The following ABCA13 variants were observed in gnomAD, a reference collection of about 807,000 sequenced individuals.
ABCA13 encodes the protein ATP binding cassette subfamily A member 13, also known as ATP-binding cassette sub-family A member 13.
ABCA13 carries 476 observed loss-of-function variants against 478.7 expected under a neutral mutation model. That is an observed-to-expected ratio of 0.99 (90% confidence interval 0.92 to 1.07). The LOEUF (loss-of-function observed/expected upper bound fraction) is 1.07, where lower values mean the gene tolerates loss of function less well. Among genes scored for constraint, ABCA13 ranks in the 50% least tolerant of loss-of-function variants. The probability of loss-of-function intolerance (pLI) is 0.00; values close to 1 mark genes in which losing one functional copy is unlikely to be tolerated. For synonymous variants in ABCA13, 2,252 were observed against 2,158.9 expected (o/e 1.04, Z -1.20); for missense variants, 6,060 against 5,910.6 (o/e 1.03, Z -0.83).
At chr7:48,561,357 C>T (rs1447001698) in intron 55 of ABCA13, among the ~76,000 whole-genome samples, 3 of 151,998 alleles carry the variant, frequency 2.0e-5, no homozygotes, top group African/African-American at 4.8e-5. Flanking sequence ...ATACACTTTC[C>T]TATCAATAGC....
At chr7:48,268,191 C>G (rs1795113444) in intron 15 of ABCA13, among the ~76,000 whole-genome samples, 1 of 152,140 alleles carries the variant, frequency 6.6e-6, no homozygotes, top group Admixed American at 6.5e-5. Flanking sequence ...CAGTCTCGCT[C>G]TGTCACCCAG....
intron 6 of ABCA13, among the ~76,000 whole-genome samples, chr7:48,229,482 T>C (rs1179632063): frequency 1.3e-5 from 2 of 152,238 alleles, no homozygotes; most frequent in East Asian, 3.8e-4. Context: ...GCACCCTGGC[T>C]GGCCTCATCA....
intron 47 of ABCA13, among the ~76,000 whole-genome samples, chr7:48,484,526 T>A (rs1004989445): frequency 7.2e-5 from 11 of 152,246 alleles, no homozygotes; most frequent in African/African-American, 2.4e-4. Context: ...TTTTAGTCTA[T>A]CCCAATCTAA....
At chr7:48,351,755 A>C (rs1395228949) in intron 30 of ABCA13, among the ~76,000 whole-genome samples, 2 of 152,216 alleles carry the variant, frequency 1.3e-5, no homozygotes, top group African/African-American at 2.4e-5. Context: ...GATAGGCTTT[A>C]TGCATACAAT....
At chr7:48,422,080 A>G (rs1474961795) in intron 41 of ABCA13, among the ~76,000 whole-genome samples, 3 of 140,592 alleles carry the variant, frequency 2.1e-5, no homozygotes, top group African/African-American at 8.2e-5. Flanking sequence ...AAAAAAAAAA[A>G]AAAAGAAAAA....
At chr7:48,589,373 C>A (rs569519733) in intron 57 of ABCA13, among the ~76,000 whole-genome samples, 1 of 152,150 alleles carries the variant, frequency 6.6e-6, no homozygotes, top group African/African-American at 2.4e-5. Flanking sequence ...GGAGGAGAAC[C>A]AACCTGACAT....
At chr7:48,305,322 C>T (rs756971478) in intron 23 of ABCA13, among the ~76,000 whole-genome samples, 48 of 152,216 alleles carry the variant, frequency 3.2e-4, no homozygotes, top group African/African-American at 4.3e-4. Flanking sequence ...GCCAGGTTCT[C>T]GCAGCCTTCT....
At chr7:48,495,068 C>T (rs1830160130) in intron 48 of ABCA13, among the ~76,000 whole-genome samples, 1 of 152,118 alleles carries the variant, frequency 6.6e-6, no homozygotes, top group East Asian at 1.9e-4. Context: ...CAAAATAATT[C>T]TGTACCAATA....
intron 35 of ABCA13, among the ~76,000 whole-genome samples, chr7:48,378,504 A>C (rs17172282): frequency 6.6e-6 from 1 of 152,008 alleles, no homozygotes; most frequent in African/African-American, 2.4e-5. Context: ...TATTCGACTG[A>C]GGAAACCGTG....
intron 29 of ABCA13, among the ~76,000 whole-genome samples, chr7:48,343,428 A>T (rs1807552185): frequency 6.6e-6 from 1 of 152,056 alleles, no homozygotes; most frequent in Non-Finnish European, 1.5e-5. Flanking sequence ...ATTAGGGCCC[A>T]TGTAGATCCA....
chr7:48,597,898 T>C (rs1790460790), intron 58 of ABCA13, among the ~76,000 whole-genome samples: 1 of 152,328 alleles, frequency 6.6e-6, no homozygotes, highest in South Asian at 2.1e-4. Context: ...ATTATCAGCA[T>C]ACATTACCAG....
At chr7:48,593,996 G>C (rs1226911911) in intron 57 of ABCA13, among the ~76,000 whole-genome samples, 1 of 151,310 alleles carries the variant, frequency 6.6e-6, no homozygotes. Flanking sequence ...TTTCATTTTT[G>C]ACAGTTTGAT....
At chr7:48,560,056 C>T (rs1047612681) in intron 55 of ABCA13, among the ~76,000 whole-genome samples, 1 of 152,174 alleles carries the variant, frequency 6.6e-6, no homozygotes, top group Non-Finnish European at 1.5e-5. Flanking sequence ...CCCTAGTCCA[C>T]TGGCTGTAAT....
intron 55 of ABCA13, among the ~76,000 whole-genome samples, chr7:48,563,062 A>T (rs1027308238): frequency 1.3e-5 from 2 of 152,120 alleles, no homozygotes; most frequent in African/African-American, 2.4e-5. Context: ...ATTTGGCATG[A>T]TCATTTAAAA....
chr7:48,277,265 C>T (rs546977628), intron 17 of ABCA13, among the ~76,000 whole-genome samples: 87 of 152,218 alleles, frequency 5.7e-4, no homozygotes, highest in Non-Finnish European at 1.0e-3. Context: ...CAGGCAGGGG[C>T]GCTGCGGGCA....
At chr7:48,245,171 T>C (rs1791481778) in intron 11 of ABCA13, among the ~76,000 whole-genome samples, 1 of 152,196 alleles carries the variant, frequency 6.6e-6, no homozygotes, top group African/African-American at 2.4e-5. Context: ...TTCTTGACTA[T>C]GGTGAGCATT....
At position 48,279,363 on chromosome 7, in the gene ABCA13, A is replaced by G. The variant is rs75953840; in HGVS notation, c.8169A>G (p.Ile2723Met). Residue 2723 changes from isoleucine (I) to methionine (M), a missense_variant, in exon 18 of 62, where the codon ATA (isoleucine) becomes ATG (methionine). Ile to Met is a conservative substitution (Grantham distance 10). This residue lies in a region of ABCA13 where 4,423 missense variants were observed against 4,309.1 expected (regional missense o/e 1.03). Transcript: ENST00000435803. ...AAGTGATCCCTTTTTTGGATAAAAT[A>G]TTATCACAAAACAGCACAGAAATAG... ...IHEVIPFLDK[I>M]LSQNSTEIGS... 1,332 of 1,590,376 alleles carry G rather than the reference A, an allele frequency of 8.4e-4. 11 individuals carry two copies. The African/African-American group carries it at 0.015, about 18-fold the overall frequency.
intron 23 of ABCA13, among the ~76,000 whole-genome samples, chr7:48,308,387 A>G (rs562149908): frequency 3.3e-5 from 5 of 152,336 alleles, no homozygotes; most frequent in African/African-American, 1.2e-4. Context: ...ATACTCTAAA[A>G]TAATGATAAT....
intron 35 of ABCA13, among the ~76,000 whole-genome samples, chr7:48,386,425 C>G (rs1036225270): frequency 6.6e-6 from 1 of 152,100 alleles, no homozygotes; most frequent in Admixed American, 6.5e-5. Context: ...GCCCGAATAG[C>G]CAAGACAATC....
Sources: allele counts gnomAD v4.1 joint callset (sites outside exome capture counted in the v4.1 genomes callset), GRCh38; gene constraint gnomAD v4.1.1; regional missense constraint gnomAD v4.1.1; transcripts MANE v1.5; gene names NCBI Gene and HGNC (gene_info 2026-07-23, HGNC 2026-07-21).